The following BCR variants were observed in gnomAD, a reference collection of about 807,000 sequenced individuals.
The protein encoded by BCR is BCR activator of RhoGEF and GTPase.
A neutral mutation model predicts 138.6 loss-of-function variants in BCR; 58 were observed. That is an observed-to-expected ratio of 0.42 (90% CI 0.34 to 0.52). The LOEUF is 0.52. Ranked by LOEUF, BCR falls within the 20% of genes least tolerant of loss-of-function variation. The pLI is 0.06. For synonymous variants in BCR, 786 were observed against 730.1 expected (o/e 1.08, Z -1.23); for missense variants, 1,599 against 1,727.2 (o/e 0.93, Z 1.32).
Position 23,273,751 on chromosome 22 carries a change from T to C in BCR, c.2092T>C (p.Ser698Pro). ...INEEITPRRQ[S>P]MTVKKGEHRQ... ...TGAGGAGATCACACCCCGACGGCAG[T>C]CCATGACGGTGAAGAAGGGAGAGGT... Residue 698 changes from serine (S) to proline (P), a missense_variant, in exon 8 of 23, where the codon TCC becomes CCC. By Grantham distance (74) the Ser-to-Pro change is moderately conservative. Transcript: ENST00000305877. 1 of 1,614,100 alleles carries C rather than the reference T, an allele frequency of 6.2e-7. No homozygotes were observed. Among genetic ancestry groups the C allele is most frequent in the Non-Finnish European group, 8.5e-7 (1 of 1,180,028 alleles).
intron 4 of BCR, chr22:23,264,710 T>G (rs2073417536): frequency 6.3e-6 from 1 of 158,860 alleles, no homozygotes; most frequent in Admixed American, 6.2e-5. Context: ...GAGGTGAGGT[T>G]CTCCCGCCTT....
intron 1 of BCR, among the ~76,000 whole-genome samples, chr22:23,187,570 G>A (rs1569236921): frequency 6.6e-6 from 1 of 150,898 alleles, no homozygotes; most frequent in African/African-American, 2.4e-5. Flanking sequence ...CTGGGCTTAA[G>A]CAATCTACCC....
chr22:23,191,286 T>C (rs1422731796), intron 1 of BCR, among the ~76,000 whole-genome samples: 1 of 152,224 alleles, frequency 6.6e-6, no homozygotes, highest in Non-Finnish European at 1.5e-5. Flanking sequence ...TTTATCTTGG[T>C]TTATGTCTCC....
chr22:23,243,184 C>T (rs1482388685), intron 1 of BCR, among the ~76,000 whole-genome samples: 1 of 152,104 alleles, frequency 6.6e-6, no homozygotes, highest in Non-Finnish European at 1.5e-5. Context: ...TTCTGTGGGA[C>T]CTGAGGTTAT....
chr22:23,280,802 G>A (rs796267026), intron 8 of BCR, among the ~76,000 whole-genome samples: 1 of 152,146 alleles, frequency 6.6e-6, no homozygotes, highest in Non-Finnish European at 1.5e-5. Context: ...CCTGGGATGT[G>A]GGGGGGCTCC....
intron 16 of BCR, among the ~76,000 whole-genome samples, chr22:23,304,107 T>C (rs2073932463): frequency 7.0e-6 from 1 of 143,218 alleles, no homozygotes; most frequent in African/African-American, 2.5e-5. Flanking sequence ...CTATTTTTTT[T>C]TTTTTTTTTT....
intron 8 of BCR, among the ~76,000 whole-genome samples, chr22:23,275,630 C>T (rs2146291272): frequency 6.6e-6 from 1 of 152,326 alleles, no homozygotes. Flanking sequence ...TGGTTCTCTT[C>T]CCTGGCTCAG....
intron 1 of BCR, among the ~76,000 whole-genome samples, chr22:23,192,828 T>C (rs2146201893): frequency 6.6e-6 from 1 of 152,230 alleles, no homozygotes; most frequent in Non-Finnish European, 1.5e-5. Context: ...GAGGTCTGGC[T>C]GGGAAGATGT....
At chr22:23,314,510 G>T (rs780574314) in intron 21 of BCR, 42 bp from the exon 22 acceptor site, 6 of 1,609,392 alleles carry the variant, frequency 3.7e-6, no homozygotes, top group East Asian at 2.2e-5. Flanking sequence ...TCTCTCCTGG[G>T]GGTGGCGTTG....
chr22:23,189,299 T>A (rs1054825135), intron 1 of BCR, among the ~76,000 whole-genome samples: 17 of 152,192 alleles, frequency 1.1e-4, no homozygotes, highest in Admixed American at 9.8e-4. Flanking sequence ...TGAAACTTCA[T>A]ATCCATCAGA....
intron 1 of BCR, among the ~76,000 whole-genome samples, chr22:23,241,517 C>T (rs1048344199): frequency 3.9e-5 from 6 of 152,296 alleles, no homozygotes; most frequent in African/African-American, 4.8e-5. Flanking sequence ...ACTGTTCCCA[C>T]GCCATCCTCC....
chr22:23,216,523 G>A (rs1450477692), intron 1 of BCR, among the ~76,000 whole-genome samples: 6 of 152,208 alleles, frequency 3.9e-5, no homozygotes, highest in Admixed American at 6.5e-5. Flanking sequence ...AATTAGCAAC[G>A]TGGAACATTG....
chr22:23,261,448 T>C lies in BCR; in HGVS notation c.1660T>C (p.Tyr554His), dbSNP rs148847470. Residue 554 changes from tyrosine (Y) to histidine (H), a missense_variant, in exon 4 of 23, where the codon TAC becomes CAC. By Grantham distance (83) the Tyr-to-His change is moderately conservative. Transcript: ENST00000305877. ...ETIFFKVPEL[Y>H]EIHKEFYDGL... ...CATCTTCTTCAAAGTGCCTGAGCTC[T>C]ACGAGATCCACAAGGAGTTCTATGA... 6.2e-7 allele frequency: 1 copy of C among 1,613,764 alleles called. No individual in the cohort carries two copies. The highest frequency in any genetic ancestry group is 8.5e-7 in the Non-Finnish European group (1 of 1,180,002).
chr22:23,285,481 G>A (rs1050917420), intron 10 of BCR, among the ~76,000 whole-genome samples: 3 of 152,218 alleles, frequency 2.0e-5, no homozygotes, highest in Admixed American at 6.5e-5. Flanking sequence ...TCTACAGTGC[G>A]CCTTTCACGG....
chr22:23,298,560 T>C (rs1051065068), intron 16 of BCR, among the ~76,000 whole-genome samples: 5 of 150,410 alleles, frequency 3.3e-5, no homozygotes, highest in Admixed American at 3.3e-4. Context: ...TCCTTCCTTT[T>C]CTTTCTTTCT....
In BCR at chr22:23,312,961, C is replaced by T. The variant is rs760241393; in HGVS notation, c.3397C>T (p.Arg1133Cys). ...CGCAGGCACGCTGAAGCTGTACTTC[C>T]GTGAGCTGCCCGAGCCCCTCTTCAC... ...AIAGTLKLYF[R>C]ELPEPLFTDE... Residue 1133 changes from arginine (R) to cysteine (C), a missense_variant, in exon 20 of 23, where the codon CGT (arginine) becomes TGT (cysteine). Physicochemically the swap from Arg to Cys is radical, Grantham distance 180. Around this residue, in one of 4 missense-constraint regions of BCR, gnomAD observed 177 missense variants for 226.4 expected, o/e 0.78. Coordinates refer to ENST00000305877, the MANE Select transcript of BCR (RefSeq NM_004327.4). 4.4e-6 allele frequency: 7 copies of T among 1,592,038 alleles called. No homozygotes were observed. The highest frequency in any genetic ancestry group is 1.1e-5 in the South Asian group (1 of 90,798).
chr22:23,198,461 A>C (rs544646045), intron 1 of BCR: 3 of 372,504 alleles, frequency 8.1e-6, no homozygotes, highest in Non-Finnish European at 1.6e-5. Flanking sequence ...CTGAACAGCT[A>C]TCAGGGTGAT....
chr22:23,190,176 T>C (rs1418373690), intron 1 of BCR, among the ~76,000 whole-genome samples: 2 of 152,040 alleles, frequency 1.3e-5, no homozygotes, highest in Non-Finnish European at 2.9e-5. Context: ...CCCTTCTTTT[T>C]TTGTTTTTGA....
At chr22:23,225,887 C>A (rs1409974054) in intron 1 of BCR, among the ~76,000 whole-genome samples, 1 of 152,218 alleles carries the variant, frequency 6.6e-6, no homozygotes, top group Non-Finnish European at 1.5e-5. Flanking sequence ...TTTGAGCCTT[C>A]ATTTTTGTTT....
Sources: gnomAD v4.1 joint callset for allele counts (sites outside exome capture counted in the v4.1 genomes callset) on GRCh38, gnomAD v4.1.1 for gene constraint, gnomAD v4.1.1 regional missense constraint, MANE v1.5 for transcripts, NCBI Gene and HGNC (gene_info 2026-07-23, HGNC 2026-07-21) for gene names.